The following SLC24A2 variants were observed in gnomAD, a reference collection of about 807,000 sequenced individuals.
SLC24A2 encodes sodium/potassium/calcium exchanger 2.
SLC24A2 carries 36 observed loss-of-function variants against 62.0 expected under a neutral mutation model. That is an observed-to-expected ratio of 0.58 (90% CI 0.44 to 0.77). The LOEUF (loss-of-function observed/expected upper bound fraction) is 0.77, where lower values mean the gene tolerates loss of function less well. Ranked by LOEUF, SLC24A2 falls within the 30% of genes least tolerant of loss-of-function variation. The probability of loss-of-function intolerance (pLI) is 0.00; values close to 1 mark genes in which losing one functional copy is unlikely to be tolerated. For missense variants in SLC24A2, 846 were observed against 817.9 expected (o/e 1.03, Z -0.42); for synonymous variants, 358 against 294.0 (o/e 1.22, Z -2.23).
At chr9:19,770,869 G>C (rs1822665817) in intron 2 of SLC24A2, among the ~76,000 whole-genome samples, 1 of 152,110 alleles carries the variant, frequency 6.6e-6, no homozygotes, top group Non-Finnish European at 1.5e-5. Flanking sequence ...GTAAAAAACA[G>C]CTCTTTAAAT....
intron 2 of SLC24A2, among the ~76,000 whole-genome samples, chr9:19,715,046 C>T (rs529953913): frequency 6.6e-6 from 1 of 152,098 alleles, no homozygotes; most frequent in East Asian, 1.9e-4. Context: ...CTAACTCCAT[C>T]CTTACCACCA....
chr9:19,739,256 A>T (rs1401760906), intron 2 of SLC24A2, among the ~76,000 whole-genome samples: 1 of 152,274 alleles, frequency 6.6e-6, no homozygotes, highest in Non-Finnish European at 1.5e-5. Flanking sequence ...GAGATTCTAT[A>T]TTGTAAATAA....
chr9:20,074,610 G>GAAGGAAGGAAGT, the SLC24A2 span, among the ~76,000 whole-genome samples: 1 of 127,542 alleles, frequency 7.8e-6, no homozygotes, highest in South Asian at 3.1e-4. Context: ...AGGAAAGAAG[G>GAAGGAAGGAAGT]GAGTGAGGGA....
At chr9:19,898,741 C>CAAAAAAAAAAAAAAAAAAAAAAAAAAA in the SLC24A2 span, among the ~76,000 whole-genome samples, 1 of 97,282 alleles carries the variant, frequency 1.0e-5, no homozygotes, top group Non-Finnish European at 1.9e-5. Flanking sequence ...GACTCCATCT[C>CAAAAAAAAAAAAAAAAAAAAAAAAAAA]AAAAAAAAAA....
the SLC24A2 span, among the ~76,000 whole-genome samples, chr9:19,959,258 TC>T: frequency 1.3e-5 from 2 of 152,014 alleles, no homozygotes; most frequent in Non-Finnish European, 2.9e-5. Flanking sequence ...AAATCAATCC[TC>T]CCAATTGTGG....
the SLC24A2 span, among the ~76,000 whole-genome samples, chr9:19,894,730 A>G: frequency 6.6e-6 from 1 of 152,214 alleles, no homozygotes; most frequent in Non-Finnish European, 1.5e-5. Flanking sequence ...GGGACAAGGT[A>G]TATTTATTAT....
chr9:19,990,299 T>C, the SLC24A2 span, among the ~76,000 whole-genome samples: 6 of 152,156 alleles, frequency 3.9e-5, no homozygotes, highest in Admixed American at 2.6e-4. Context: ...AGGTTACCCA[T>C]GGTCACCTAC....
At chr9:20,156,012 A>G in the SLC24A2 span, among the ~76,000 whole-genome samples, 1 of 151,732 alleles carries the variant, frequency 6.6e-6, no homozygotes, top group Admixed American at 6.6e-5. Context: ...ATCTTTTATA[A>G]AAGCCTATTA....
At chr9:20,258,805 T>TA in the SLC24A2 span, among the ~76,000 whole-genome samples, 1 of 96,672 alleles carries the variant, frequency 1.0e-5, no homozygotes, top group African/African-American at 5.8e-5. Context: ...TCTATCTATC[T>TA]ATCTATCTAC....
chr9:19,688,711 A>G lies in SLC24A2; in HGVS notation c.931-66412T>C, dbSNP rs1473558634. The stretch of plus-strand genomic sequence containing the variant: ...AAATGCACTAGGAGTGCATTTGCAG[A>G]AATTTTTGAATATTATTTTACTGAT... On this transcript the variant is annotated intron_variant, in intron 2 of 10. Coordinates refer to ENST00000341998, the MANE Select transcript of SLC24A2 (RefSeq NM_020344.4). Among the ~76,000 whole-genome samples the G allele has an allele frequency of 3.3e-5, 5 of 152,232 alleles. No individual in the cohort carries two copies. In the South Asian group the frequency reaches 6.2e-4, roughly 19 times the overall value.
chr9:20,274,359 G>C, the SLC24A2 span, among the ~76,000 whole-genome samples: 34 of 152,266 alleles, frequency 2.2e-4, no homozygotes, highest in South Asian at 6.2e-3. Flanking sequence ...AGGCATTTTA[G>C]CTCGCATGAA....
intron 9 of SLC24A2, 44 bp downstream of exon 9, chr9:19,528,005 C>G (rs1193185201): frequency 5.0e-6 from 6 of 1,189,640 alleles, no homozygotes; most frequent in Non-Finnish European, 7.4e-6. Flanking sequence ...ACAATCAGGA[C>G]TGGAGAAAAA....
At chr9:19,572,206 G>T (rs891448046) in intron 7 of SLC24A2, among the ~76,000 whole-genome samples, 1 of 139,448 alleles carries the variant, frequency 7.2e-6, no homozygotes, top group African/African-American at 2.7e-5. Context: ...GTTGCAGTGA[G>T]CTGAGATTGA....
At chr9:20,107,068 G>C in the SLC24A2 span, among the ~76,000 whole-genome samples, 9 of 151,706 alleles carry the variant, frequency 5.9e-5, no homozygotes, top group African/African-American at 1.9e-4. Flanking sequence ...GACAAACAGA[G>C]AGCCATGAGT....
chr9:20,081,328 G>T, the SLC24A2 span, among the ~76,000 whole-genome samples: 1 of 151,846 alleles, frequency 6.6e-6, no homozygotes, highest in Non-Finnish European at 1.5e-5. Flanking sequence ...GTCCTTTGTA[G>T]GGACATGGAT....
the SLC24A2 span, among the ~76,000 whole-genome samples, chr9:19,817,291 T>G: frequency 2.0e-5 from 3 of 151,780 alleles, no homozygotes; most frequent in South Asian, 4.1e-4. Context: ...CTGCTTGAAT[T>G]TTATCCTGCC....
the SLC24A2 span, among the ~76,000 whole-genome samples, chr9:19,803,517 T>G: frequency 1.3e-5 from 2 of 152,192 alleles, no homozygotes; most frequent in Admixed American, 1.3e-4. Context: ...GTCTGGAGTT[T>G]TAATTATAAT....
intron 7 of SLC24A2, among the ~76,000 whole-genome samples, chr9:19,564,479 A>G (rs1344011641): frequency 2.6e-5 from 4 of 152,200 alleles, no homozygotes; most frequent in Non-Finnish European, 5.9e-5. Flanking sequence ...GAATAAAATC[A>G]CTTGCATATT....
chr9:19,788,350 CG>C (rs1823241558), intron 1 of SLC24A2, among the ~76,000 whole-genome samples: 1 of 152,206 alleles, frequency 6.6e-6, no homozygotes, highest in Non-Finnish European at 1.5e-5. Flanking sequence ...TTCAACTCCC[CG>C]GGCGCAAAGT....
Sources: gnomAD v4.1 joint callset for allele counts (sites outside exome capture counted in the v4.1 genomes callset) on GRCh38, gnomAD v4.1.1 for gene constraint, MANE v1.5 for transcripts, NCBI Gene and HGNC (gene_info 2026-07-23, HGNC 2026-07-21) for gene names.